The following DMC1 variants were observed in gnomAD, a reference collection of about 807,000 sequenced individuals.
The protein encoded by DMC1 is meiotic recombination protein DMC1 homolog.
In DMC1, 27 loss-of-function variants were observed where a neutral mutation model predicts 50.1. That is an observed-to-expected ratio of 0.54 (90% CI 0.40 to 0.74). The LOEUF (loss-of-function observed/expected upper bound fraction) is 0.74, where lower values mean the gene tolerates loss of function less well. Ranked by LOEUF, DMC1 falls within the 30% of genes least tolerant of loss-of-function variation. The pLI is 0.00. For synonymous variants in DMC1, 148 were observed against 136.1 expected (o/e 1.09, Z -0.61); for missense variants, 295 against 420.2 (o/e 0.70, Z 2.60).
downstream of DMC1, among the ~76,000 whole-genome samples, chr22:38,517,581 CAAAACAA>C (rs2089984711): frequency 7.0e-6 from 1 of 142,946 alleles, no homozygotes; most frequent in South Asian, 2.1e-4. Flanking sequence ...AAACAAAAAA[CAAAACAA>C]AAAACAAAAC....
At chr22:38,559,549 G>A (rs2090504137) in intron 5 of DMC1, among the ~76,000 whole-genome samples, 1 of 152,160 alleles carries the variant, frequency 6.6e-6, no homozygotes, top group Non-Finnish European at 1.5e-5. Context: ...ATAGTATATG[G>A]TACTTCTCAA....
intron 12 of DMC1, among the ~76,000 whole-genome samples, chr22:38,525,246 T>G (rs1274974949): frequency 6.6e-6 from 1 of 152,178 alleles, no homozygotes; most frequent in East Asian, 1.9e-4. Flanking sequence ...GATGACAATT[T>G]GGGACTCCCT....
At chr22:38,543,261 G>A (rs1005849183) in intron 8 of DMC1, among the ~76,000 whole-genome samples, 4 of 144,572 alleles carry the variant, frequency 2.8e-5, no homozygotes, top group Non-Finnish European at 4.5e-5. Context: ...ACGGAGTCTC[G>A]CTCTGTCACC....
the DMC1 span, among the ~76,000 whole-genome samples, chr22:38,513,573 T>C: frequency 6.6e-6 from 1 of 152,122 alleles, no homozygotes; most frequent in South Asian, 2.1e-4. Flanking sequence ...TCTCTCTCTT[T>C]CTTTTTTCTT....
chr22:38,560,390 T>C (rs1272938176), intron 5 of DMC1, among the ~76,000 whole-genome samples: 1 of 151,322 alleles, frequency 6.6e-6, no homozygotes, highest in African/African-American at 2.4e-5. Context: ...ATATTAGAGA[T>C]GGGAGAGGAC....
Position 38,568,219 on chromosome 22 carries a change from A to G in DMC1, c.38T>C (p.Phe13Ser). The G allele has an allele frequency of 6.2e-7, 1 of 1,614,132 alleles. No homozygotes were observed. The highest frequency in any genetic ancestry group is 8.5e-7 in the Non-Finnish European group (1 of 1,179,984). Residue 13 changes from phenylalanine to serine, a missense_variant, in exon 2 of 14, where the codon TTC becomes TCC. Coordinates refer to ENST00000216024, the MANE Select transcript of DMC1 (RefSeq NM_007068.4). ...EDQVVAEEPGFQDEEESLFQD... is the reference protein window; with the variant it reads ...EDQVVAEEPGSQDEEESLFQD... ...TTTTAGTCATACCTCTTCATCTTGG[A>G]ATCCTGGTTCTTCCGCCACAACTTG...
intron 5 of DMC1, among the ~76,000 whole-genome samples, chr22:38,557,221 T>C (rs1037219388): frequency 6.6e-6 from 1 of 152,194 alleles, no homozygotes; most frequent in Non-Finnish European, 1.5e-5. Context: ...GGTTGATATG[T>C]AATCTCAATC....
chr22:38,555,264 T>C, intron 6 of DMC1, 93 bp downstream of exon 6: 1 of 809,118 alleles, frequency 1.2e-6, no homozygotes, highest in Non-Finnish European at 2.1e-6. Context: ...TTATTATTGG[T>C]TGTTTATTTA....
chr22:38,559,099 G>A (rs1488525304), intron 5 of DMC1, among the ~76,000 whole-genome samples: 1 of 151,944 alleles, frequency 6.6e-6, no homozygotes, highest in Non-Finnish European at 1.5e-5. Context: ...GCACGATCTC[G>A]GCTCACCACA....
chr22:38,560,329 G>A (rs1167822126), intron 5 of DMC1, among the ~76,000 whole-genome samples: 1 of 152,144 alleles, frequency 6.6e-6, no homozygotes, highest in Non-Finnish European at 1.5e-5. Flanking sequence ...CATATTCTGG[G>A]AATAGCAAAG....
intron 12 of DMC1, among the ~76,000 whole-genome samples, chr22:38,530,277 G>A (rs941245459): frequency 2.1e-4 from 32 of 151,906 alleles, no homozygotes; most frequent in African/African-American, 6.8e-4. Context: ...GAGGCTTTGA[G>A]ATTTTGGGAA....
chr22:38,554,396 T>C (rs2090446878), intron 6 of DMC1, among the ~76,000 whole-genome samples: 1 of 141,886 alleles, frequency 7.0e-6, no homozygotes, highest in Non-Finnish European at 1.5e-5. Context: ...CCACTAAGAC[T>C]GAGTCAACAG....
At chr22:38,553,224 C>T (rs372144516) in intron 6 of DMC1, among the ~76,000 whole-genome samples, 22 of 150,960 alleles carry the variant, frequency 1.5e-4, no homozygotes, top group South Asian at 4.2e-4. Flanking sequence ...TAAGGCCGGG[C>T]GCGGTGGCTT....
intron 12 of DMC1, among the ~76,000 whole-genome samples, chr22:38,528,775 C>T (rs557966574): frequency 6.6e-6 from 1 of 152,118 alleles, no homozygotes; most frequent in South Asian, 2.1e-4. Context: ...AACAGAGACC[C>T]TGTCTCAAAA....
chr22:38,547,785 C>G (rs916047670), intron 8 of DMC1, among the ~76,000 whole-genome samples: 1 of 152,084 alleles, frequency 6.6e-6, no homozygotes, highest in South Asian at 2.1e-4. Context: ...GTAATCCACC[C>G]GCCTCAGCCT....
intron 4 of DMC1, among the ~76,000 whole-genome samples, chr22:38,562,747 CACACGTTATATACACAT>C (rs2146005683): frequency 6.6e-6 from 1 of 151,286 alleles, no homozygotes; most frequent in East Asian, 1.9e-4. Context: ...CACATATATA[CACACGTTATATACACAT>C]ATATACATAT....
At chr22:38,525,336 C>A (rs1406706766) in intron 12 of DMC1, among the ~76,000 whole-genome samples, 2 of 152,122 alleles carry the variant, frequency 1.3e-5, no homozygotes, top group Admixed American at 1.3e-4. Flanking sequence ...AGTGTTCTGA[C>A]AGAGGCAAAT....
chr22:38,557,400 A>G (rs1488158010), intron 5 of DMC1, among the ~76,000 whole-genome samples: 1 of 152,176 alleles, frequency 6.6e-6, no homozygotes, highest in Non-Finnish European at 1.5e-5. Context: ...CCCATAGATT[A>G]CTATTTTCAT....
chr22:38,563,622 G>A (rs539372585), intron 4 of DMC1, among the ~76,000 whole-genome samples: 1 of 152,112 alleles, frequency 6.6e-6, no homozygotes, highest in Admixed American at 6.6e-5. Context: ...GAGAGGCTGA[G>A]GCGGGAGGAC....
Sources: allele counts gnomAD v4.1 joint callset (sites outside exome capture counted in the v4.1 genomes callset), GRCh38; gene constraint gnomAD v4.1.1; transcripts MANE v1.5; gene names NCBI Gene and HGNC (gene_info 2026-07-23, HGNC 2026-07-21).